Variants in GPHN observed in about 807,000 individuals in gnomAD.
GPHN encodes the protein gephyrin.
In GPHN, 17 loss-of-function variants were observed where a neutral mutation model predicts 95.5. That is an observed-to-expected ratio of 0.18 (90% confidence interval 0.12 to 0.27). GPHN has a LOEUF of 0.27. GPHN is among the 10% of genes least tolerant of loss of function. GPHN has a pLI of 1.00. For missense variants in GPHN, 660 were observed against 978.1 expected (o/e 0.67, Z 4.34); for synonymous variants, 320 against 322.5 (o/e 0.99, Z 0.08).
the GPHN span, among the ~76,000 whole-genome samples, chr14:67,339,108 G>A: frequency 2.7e-5 from 4 of 147,834 alleles, no homozygotes; most frequent in Non-Finnish European, 5.9e-5. Context: ...GCAATTCCTT[G>A]CCTCAGCCTC....
the GPHN span, chr14:67,374,326 TA>T: frequency 2.1e-6 from 1 of 468,268 alleles, no homozygotes. Flanking sequence ...TTGTAATACT[TA>T]TGCAGTATTT....
intron 18 of GPHN, among the ~76,000 whole-genome samples, chr14:67,155,508 A>G (rs1442832100): frequency 6.6e-6 from 1 of 152,226 alleles, no homozygotes; most frequent in Non-Finnish European, 1.5e-5. Context: ...TTTAATAACC[A>G]TTATATGTTT....
chr14:67,497,513 C>A, the GPHN span, among the ~76,000 whole-genome samples: 1 of 152,088 alleles, frequency 6.6e-6, no homozygotes, highest in Non-Finnish European at 1.5e-5. Flanking sequence ...GCAATTCCCA[C>A]GTGACCAACA....
chr14:67,620,426 A>C, the GPHN span, among the ~76,000 whole-genome samples: 2,024 of 152,110 alleles, frequency 0.013, 34 homozygotes, highest in African/African-American at 0.039. Flanking sequence ...GGGCTGGAGG[A>C]GGCGAAACTG....
chr14:66,597,794 G>C (rs912722510), intron 1 of GPHN, among the ~76,000 whole-genome samples: 1 of 152,188 alleles, frequency 6.6e-6, no homozygotes, highest in Non-Finnish European at 1.5e-5. Flanking sequence ...CATCATGGCA[G>C]TGGCCACTCC....
At chr14:66,846,137 G>C (rs1164773585) in intron 4 of GPHN, among the ~76,000 whole-genome samples, 4 of 152,070 alleles carry the variant, frequency 2.6e-5, no homozygotes, top group African/African-American at 9.7e-5. Context: ...GTTCTCATTT[G>C]TTAATTCAAC....
intron 9 of GPHN, among the ~76,000 whole-genome samples, chr14:67,017,821 T>C (rs1185638285): frequency 6.6e-6 from 1 of 152,112 alleles, no homozygotes; most frequent in African/African-American, 2.4e-5. Context: ...ATATTATCTG[T>C]CAATACTATC....
chr14:67,571,945 C>T, the GPHN span: 2 of 1,563,194 alleles, frequency 1.3e-6, no homozygotes, highest in South Asian at 1.2e-5. Context: ...CAGCAAGGAG[C>T]CCCTCACCTC....
At chr14:67,617,463 T>C in the GPHN span, 1 of 152,250 alleles carries the variant, frequency 6.6e-6, no homozygotes, top group Non-Finnish European at 1.5e-5. Context: ...AGTATGGAAT[T>C]TTCCACTTGC....
intron 9 of GPHN, among the ~76,000 whole-genome samples, chr14:67,018,939 G>A (rs1297229647): frequency 5.3e-5 from 8 of 152,116 alleles, no homozygotes; most frequent in African/African-American, 1.9e-4. Context: ...AGTAAAAAGA[G>A]GAAGAGAAAA....
At chr14:66,930,925 T>A (rs1228656149) in intron 8 of GPHN, among the ~76,000 whole-genome samples, 1 of 152,218 alleles carries the variant, frequency 6.6e-6, no homozygotes, top group Non-Finnish European at 1.5e-5. Flanking sequence ...TGTTTGTCTG[T>A]GTATTTATTG....
At chr14:67,520,031 A>G in the GPHN span, among the ~76,000 whole-genome samples, 4 of 152,210 alleles carry the variant, frequency 2.6e-5, no homozygotes, top group Admixed American at 2.6e-4. Flanking sequence ...CCTAGACTTT[A>G]TTTTTTACAG....
chr14:67,060,412 G>A (rs914700262), intron 11 of GPHN, among the ~76,000 whole-genome samples: 1 of 152,072 alleles, frequency 6.6e-6, no homozygotes, highest in African/African-American at 2.4e-5. Flanking sequence ...TAATAATGAG[G>A]TTCACATTAA....
chr14:66,808,011 G>T (rs2060615545), intron 3 of GPHN, among the ~76,000 whole-genome samples: 1 of 152,158 alleles, frequency 6.6e-6, no homozygotes, highest in African/African-American at 2.4e-5. Flanking sequence ...AACATTTTAT[G>T]AGAACTCTAT....
the GPHN span, among the ~76,000 whole-genome samples, chr14:67,610,804 A>G: frequency 4.9e-3 from 742 of 152,292 alleles, 36 homozygotes; most frequent in East Asian, 0.082. Context: ...AAGTACCCTT[A>G]AAAAACCCTA....
intron 1 of GPHN, among the ~76,000 whole-genome samples, chr14:66,609,177 G>A (rs1286056592): frequency 6.6e-6 from 1 of 152,124 alleles, no homozygotes; most frequent in African/African-American, 2.4e-5. Flanking sequence ...GGCTGGTCTA[G>A]TGGTTACAAA....
chr14:67,120,510 C>T (rs937238899), intron 16 of GPHN, among the ~76,000 whole-genome samples: 1 of 151,978 alleles, frequency 6.6e-6, no homozygotes, highest in Non-Finnish European at 1.5e-5. Flanking sequence ...TCTAATTTTC[C>T]GTTATTTCTG....
At chr14:66,787,883 C>T (rs2059833595) in intron 3 of GPHN, among the ~76,000 whole-genome samples, 1 of 147,414 alleles carries the variant, frequency 6.8e-6, no homozygotes, top group Non-Finnish European at 1.5e-5. Context: ...GTAAAACTGT[C>T]AGAAGAAAAA....
the GPHN span, among the ~76,000 whole-genome samples, chr14:67,640,630 C>T: frequency 3.2e-4 from 48 of 152,300 alleles, no homozygotes; most frequent in African/African-American, 1.1e-3. Context: ...AGATACGCCA[C>T]GTCTTATCTT....
Sources: gnomAD v4.1 joint callset for allele counts (sites outside exome capture counted in the v4.1 genomes callset) on GRCh38, gnomAD v4.1.1 for gene constraint, MANE v1.5 for transcripts, NCBI Gene and HGNC (gene_info 2026-07-23, HGNC 2026-07-21) for gene names.